Variants in DCC observed in about 807,000 individuals in gnomAD.
The protein encoded by DCC is DCC netrin 1 receptor.
In DCC, 58 loss-of-function variants were observed where a neutral mutation model predicts 172.5. The ratio of observed to expected loss-of-function variants is 0.34; its 90% CI spans 0.27 to 0.42. The LOEUF is 0.42. Ranked by LOEUF, DCC falls within the 10% of genes least tolerant of loss-of-function variation. The probability of loss-of-function intolerance (pLI) is 1.00; values close to 1 mark genes in which losing one functional copy is unlikely to be tolerated. For missense variants in DCC, 1,740 were observed against 1,791.0 expected, an observed-to-expected ratio of 0.97 and a Z score of 0.51; for synonymous variants, 709 against 644.5, an observed-to-expected ratio of 1.10 and a Z score of -1.52.
intron 1 of DCC, among the ~76,000 whole-genome samples, chr18:52,473,097 G>T (rs960683578): frequency 2.0e-5 from 3 of 152,142 alleles, no homozygotes; most frequent in Non-Finnish European, 4.4e-5. Flanking sequence ...CCTGTTGATT[G>T]AAATCCACTC....
At chr18:52,492,949 A>T (rs903193517) in intron 1 of DCC, among the ~76,000 whole-genome samples, 1 of 152,096 alleles carries the variant, frequency 6.6e-6, no homozygotes, top group African/African-American at 2.4e-5. Context: ...GTGAAGGGGC[A>T]TGTTGAGATA....
chr18:53,274,082 G>A (rs1302732147), intron 12 of DCC, among the ~76,000 whole-genome samples: 8 of 151,318 alleles, frequency 5.3e-5, no homozygotes, highest in Admixed American at 4.6e-4. Context: ...TGAAGGAGGG[G>A]GCAAAACAGG....
At chr18:53,516,226 A>C (rs1196074932) in intron 27 of DCC, among the ~76,000 whole-genome samples, 143 of 150,922 alleles carry the variant, frequency 9.5e-4, no homozygotes, top group African/African-American at 3.0e-3. Context: ...ATAAATGGTG[A>C]TGGGAAAACT....
intron 5 of DCC, among the ~76,000 whole-genome samples, chr18:53,005,325 T>A (rs2041628128): frequency 6.6e-6 from 1 of 152,226 alleles, no homozygotes; most frequent in Admixed American, 6.5e-5. Flanking sequence ...TCCCATCTTT[T>A]TCACTTTATA....
intron 26 of DCC, among the ~76,000 whole-genome samples, chr18:53,496,729 C>G (rs1227314780): frequency 6.6e-6 from 1 of 152,136 alleles, no homozygotes; most frequent in Non-Finnish European, 1.5e-5. Flanking sequence ...AGTTAAGAAC[C>G]TTGAGAAAAG....
chr18:53,074,072 C>T (rs113259080), intron 7 of DCC, among the ~76,000 whole-genome samples: 352 of 152,086 alleles, frequency 2.3e-3, no homozygotes, highest in African/African-American at 8.0e-3. Flanking sequence ...TAAGCAACTA[C>T]GTATGAGAGA....
At chr18:53,106,444 G>A (rs542003252) in intron 7 of DCC, among the ~76,000 whole-genome samples, 1 of 152,048 alleles carries the variant, frequency 6.6e-6, no homozygotes, top group Admixed American at 6.6e-5. Flanking sequence ...CAGAATTCAT[G>A]TTTCTTCAAC....
chr18:53,012,891 G>A (rs2041751015), intron 5 of DCC, among the ~76,000 whole-genome samples: 1 of 151,646 alleles, frequency 6.6e-6, no homozygotes, highest in Non-Finnish European at 1.5e-5. Flanking sequence ...TGAAAAAAAT[G>A]CCCCATCAAA....
At chr18:53,136,209 C>CTATCTATA (rs1052070144) in intron 7 of DCC, among the ~76,000 whole-genome samples, 12 of 144,296 alleles carry the variant, frequency 8.3e-5, no homozygotes, top group African/African-American at 2.7e-4. Context: ...ATCTATCTAT[C>CTATCTATA]TATATATATA....
At chr18:52,953,000 CAAAAAAAAA>C (rs11315976) in intron 5 of DCC, among the ~76,000 whole-genome samples, 10 of 52,218 alleles carry the variant, frequency 1.9e-4, no homozygotes, top group East Asian at 8.1e-4. Context: ...TCTCCTGTCT[CAAAAAAAAA>C]AAAAAAAAAA....
chr18:53,107,273 A>T (rs148796746), intron 7 of DCC, among the ~76,000 whole-genome samples: 60 of 151,926 alleles, frequency 3.9e-4, no homozygotes, highest in Non-Finnish European at 7.4e-4. Context: ...AAACAGTGAG[A>T]CATGTTGCAG....
intron 26 of DCC, among the ~76,000 whole-genome samples, chr18:53,489,137 G>A (rs1325075287): frequency 6.6e-6 from 1 of 151,784 alleles, no homozygotes; most frequent in Non-Finnish European, 1.5e-5. Flanking sequence ...TTAAAGTAAG[G>A]ATTATTAAAT....
At chr18:53,472,152 A>G (rs1186454350) in intron 25 of DCC, among the ~76,000 whole-genome samples, 1 of 152,182 alleles carries the variant, frequency 6.6e-6, no homozygotes, top group African/African-American at 2.4e-5. Flanking sequence ...CATAGCATTT[A>G]TAATGAATGC....
At chr18:53,314,740 A>C (rs1403101760) in intron 13 of DCC, among the ~76,000 whole-genome samples, 2 of 152,188 alleles carry the variant, frequency 1.3e-5, no homozygotes, top group African/African-American at 4.8e-5. Context: ...TTAAGGATAA[A>C]ATATAATACT....
chr18:53,091,851 CAATCTATCTA>C (rs756475745), intron 7 of DCC, among the ~76,000 whole-genome samples: 449 of 54,370 alleles, frequency 8.3e-3, no homozygotes, highest in South Asian at 0.014. Flanking sequence ...ATCTATCTAT[CAATCTATCTA>C]TATATATATA....
chr18:53,142,563 A>G (rs892587320), intron 7 of DCC, among the ~76,000 whole-genome samples: 2 of 152,184 alleles, frequency 1.3e-5, no homozygotes, highest in Non-Finnish European at 2.9e-5. Context: ...ATCTTTAACT[A>G]TAATTTAAGC....
chr18:52,535,105 G>A (rs549651829), intron 1 of DCC, among the ~76,000 whole-genome samples: 8 of 152,142 alleles, frequency 5.3e-5, no homozygotes, highest in Non-Finnish European at 1.0e-4. Flanking sequence ...CTGCATGAAC[G>A]AGTTATAGCC....
chr18:53,417,197 G>A (rs182089027), intron 21 of DCC, among the ~76,000 whole-genome samples: 3 of 152,282 alleles, frequency 2.0e-5, no homozygotes, highest in Admixed American at 2.0e-4. Context: ...TCTGGATGCT[G>A]GCTCTCCCTG....
At chr18:53,090,353 C>T (rs182308777) in intron 7 of DCC, among the ~76,000 whole-genome samples, 3 of 152,022 alleles carry the variant, frequency 2.0e-5, no homozygotes, top group South Asian at 2.1e-4. Context: ...GAGGTTGTCT[C>T]AATACTATGG....
Sources: allele counts gnomAD v4.1 joint callset (sites outside exome capture counted in the v4.1 genomes callset), GRCh38; gene constraint gnomAD v4.1.1; transcripts MANE v1.5; gene names NCBI Gene and HGNC (gene_info 2026-07-23, HGNC 2026-07-21).